The following CIMAP2 variants were observed in gnomAD, a reference collection of about 807,000 sequenced individuals.
CIMAP2 encodes ciliary microtubule associated protein 2.
At chr1:54,837,694 C>G in the CIMAP2 span, among the ~76,000 whole-genome samples, 1 of 152,130 alleles carries the variant, frequency 6.6e-6, no homozygotes, top group Non-Finnish European at 1.5e-5. Flanking sequence ...TGCATGTGTT[C>G]ATTGCCCCCA....
At chr1:54,816,905 A>G in the CIMAP2 span, 10 of 1,528,930 alleles carry the variant, frequency 6.5e-6, no homozygotes, top group African/African-American at 1.2e-4. Flanking sequence ...TGGAGTAGGG[A>G]AGCGTCCAAG....
the CIMAP2 span, chr1:54,842,089 G>A: frequency 3.7e-5 from 22 of 587,594 alleles, no homozygotes; most frequent in East Asian, 5.6e-4. Context: ...ATCTTTTGTT[G>A]CAGGAGATCA....
chr1:54,806,139 C>T, the CIMAP2 span: 4 of 1,546,522 alleles, frequency 2.6e-6, no homozygotes, highest in South Asian at 3.6e-5. Flanking sequence ...CAGGATGCCG[C>T]CGGAGCTCAT....
the CIMAP2 span, chr1:54,817,146 C>T: frequency 1.2e-5 from 20 of 1,613,118 alleles, no homozygotes; most frequent in Admixed American, 1.7e-5. Flanking sequence ...GAGCTGCAGG[C>T]GAAGGGGCGA....
chr1:54,815,003 A>G, the CIMAP2 span: 1 of 1,614,198 alleles, frequency 6.2e-7, no homozygotes, highest in Non-Finnish European at 8.5e-7. Flanking sequence ...CCAAGGGGTC[A>G]GGTGCAAAGG....
chr1:54,813,759 AAGG>A, the CIMAP2 span: 1 of 1,529,356 alleles, frequency 6.5e-7, no homozygotes, highest in East Asian at 2.3e-5. Context: ...AGGGTTGAGA[AAGG>A]AGCTCTTGAT....
At chr1:54,840,468 A>T in the CIMAP2 span, among the ~76,000 whole-genome samples, 4 of 152,218 alleles carry the variant, frequency 2.6e-5, no homozygotes, top group South Asian at 4.1e-4. Flanking sequence ...CTTCATGTAG[A>T]CGTATGTTTT....
At chr1:54,807,753 G>T in the CIMAP2 span, 1 of 1,525,430 alleles carries the variant, frequency 6.6e-7, no homozygotes, top group Non-Finnish European at 8.8e-7. Context: ...CATTGCAGCT[G>T]CTCTGTGTGG....
At chr1:54,813,109 C>A in the CIMAP2 span, among the ~76,000 whole-genome samples, 1 of 151,934 alleles carries the variant, frequency 6.6e-6, no homozygotes. Flanking sequence ...TGGCCAGCGC[C>A]CAGGCCACGC....
the CIMAP2 span, chr1:54,808,018 G>A: frequency 6.4e-7 from 1 of 1,551,074 alleles, no homozygotes; most frequent in Non-Finnish European, 8.7e-7. Flanking sequence ...TGGGGTAGGT[G>A]TTCTCATGTC....
chr1:54,825,714 C>T, the CIMAP2 span, among the ~76,000 whole-genome samples: 20 of 152,080 alleles, frequency 1.3e-4, no homozygotes, highest in South Asian at 8.3e-4. Flanking sequence ...TTGGCAGTGG[C>T]GGGCTGAGCC....
the CIMAP2 span, among the ~76,000 whole-genome samples, chr1:54,830,190 A>G: frequency 6.6e-6 from 1 of 152,130 alleles, no homozygotes; most frequent in East Asian, 1.9e-4. The surrounding 1 kb of genome is among the most constrained non-coding windows in gnomAD (Gnocchi z 4.1). Context: ...TTAAACTTCC[A>G]TTTAATTCCC....
the CIMAP2 span, among the ~76,000 whole-genome samples, chr1:54,806,613 C>T: frequency 7.3e-5 from 11 of 151,548 alleles, no homozygotes; most frequent in Admixed American, 7.2e-4. Context: ...TTCTCTCTCT[C>T]ACCTACTGTG....
At chr1:54,829,842 A>G in the CIMAP2 span, among the ~76,000 whole-genome samples, 1 of 152,214 alleles carries the variant, frequency 6.6e-6, no homozygotes, top group Admixed American at 6.5e-5. Flanking sequence ...TTTTGAAGAT[A>G]TTAAGACTAT....
At chr1:54,811,765 G>GGCGGGGGGGGGGGGCCCCCCC in the CIMAP2 span, 1 of 1,301,332 alleles carries the variant, frequency 7.7e-7, no homozygotes, top group Non-Finnish European at 1.1e-6. Context: ...GGTTCTGACA[G>GGCGGGGGGGGGGGGCCCCCCC]CCTCCATGCC....
chr1:54,810,298 C>A, the CIMAP2 span, among the ~76,000 whole-genome samples: 3 of 152,184 alleles, frequency 2.0e-5, no homozygotes, highest in Non-Finnish European at 4.4e-5. Context: ...GCGGTGGGAC[C>A]TCAGACATGC....
the CIMAP2 span, among the ~76,000 whole-genome samples, chr1:54,833,350 AGGTTG>A: frequency 6.6e-6 from 1 of 152,174 alleles, no homozygotes; most frequent in African/African-American, 2.4e-5. Context: ...CTCCTTGGCC[AGGTTG>A]GGAGGAGGTC....
At chr1:54,811,352 C>T in the CIMAP2 span, among the ~76,000 whole-genome samples, 4 of 152,216 alleles carry the variant, frequency 2.6e-5, no homozygotes, top group African/African-American at 7.2e-5. Context: ...GCTTCATTCC[C>T]AGGAGAGATG....
At chr1:54,819,967 TTTC>T in the CIMAP2 span, among the ~76,000 whole-genome samples, 1 of 130,138 alleles carries the variant, frequency 7.7e-6, no homozygotes, top group Non-Finnish European at 1.7e-5. Context: ...TTCTCTTTTC[TTTC>T]TTTCTTTTTC....
Sources: allele counts gnomAD v4.1 joint callset (sites outside exome capture counted in the v4.1 genomes callset), GRCh38; gene constraint gnomAD v4.1.1; non-coding constraint Gnocchi (gnomAD v3.1); transcripts MANE v1.5; gene names NCBI Gene and HGNC (gene_info 2026-07-23, HGNC 2026-07-21).